SCFD2: variants seen among roughly 807,000 people sequenced by gnomAD.
The protein encoded by SCFD2 is sec1 family domain containing 2, also known as sec1 family domain-containing protein 2.
Under a neutral mutation model 58.9 loss-of-function variants are expected in SCFD2, and 54 were observed. That is an observed-to-expected ratio of 0.92 (90% CI 0.74 to 1.15). SCFD2 has a LOEUF of 1.15. Ranked by LOEUF, SCFD2 falls within the 50% of genes most tolerant of loss-of-function variation. The probability of loss-of-function intolerance (pLI) is 0.00; values close to 1 mark genes in which losing one functional copy is unlikely to be tolerated. For synonymous variants in SCFD2, 321 were observed against 335.9 expected (o/e 0.96, Z 0.49); for missense variants, 805 against 836.6 (o/e 0.96, Z 0.47).
rs1393652438 is a variant in SCFD2, at chr4:53,179,727, C to T, written c.1312-34145G>A. Among the ~76,000 whole-genome samples the T allele has an allele frequency of 5.3e-5, 8 of 152,088 alleles. No individual in the cohort carries two copies. In the East Asian group the frequency reaches 1.4e-3, roughly 26 times the overall value. ...TGGCAAATTGGATCAAGAGTCAAGA[C>T]CCATCAGTGTGCTGTATTCAGGAAC... On this transcript the variant is annotated intron_variant, in intron 4 of 8. Coordinates refer to ENST00000401642, the MANE Select transcript of SCFD2 (RefSeq NM_152540.4).
chr4:53,274,115 T>C (rs768902011), intron 3 of SCFD2, 114 bp from the exon 4 acceptor site: 75 of 840,476 alleles, frequency 8.9e-5, no homozygotes, highest in Non-Finnish European at 1.3e-4. Context: ...CAGAGCTGAC[T>C]GCAAGCTTTC....
At chr4:53,110,487 G>T (rs189206022) in intron 5 of SCFD2, among the ~76,000 whole-genome samples, 3 of 152,048 alleles carry the variant, frequency 2.0e-5, no homozygotes, top group Non-Finnish European at 1.5e-5. Flanking sequence ...TTTGCAATCT[G>T]TCCATCTGAC....
At chr4:53,042,325 ATG>A (rs1409234471) in intron 5 of SCFD2, among the ~76,000 whole-genome samples, 2 of 151,712 alleles carry the variant, frequency 1.3e-5, no homozygotes, top group African/African-American at 4.8e-5. Flanking sequence ...CTTCTAAAAA[ATG>A]TGTGTGTGTG....
intron 5 of SCFD2, among the ~76,000 whole-genome samples, chr4:52,988,004 T>A (rs1163464735): frequency 6.6e-6 from 1 of 152,168 alleles, no homozygotes; most frequent in Admixed American, 6.5e-5. Flanking sequence ...TCAGAGAGTG[T>A]GACACCAGCT....
At chr4:52,939,572 T>A (rs1266584539) in intron 5 of SCFD2, among the ~76,000 whole-genome samples, 1 of 152,138 alleles carries the variant, frequency 6.6e-6, no homozygotes, top group Admixed American at 6.5e-5. Flanking sequence ...GTGCTACGAA[T>A]CTCAGAGTGA....
chr4:53,203,203 C>T (rs1014045837), intron 4 of SCFD2, among the ~76,000 whole-genome samples: 4 of 152,122 alleles, frequency 2.6e-5, no homozygotes, highest in Admixed American at 2.0e-4. Flanking sequence ...TACATCCCAT[C>T]AATACCTAAT....
At chr4:53,332,747 G>A (rs1329252808) in intron 2 of SCFD2, among the ~76,000 whole-genome samples, 1 of 151,762 alleles carries the variant, frequency 6.6e-6, no homozygotes, top group Non-Finnish European at 1.5e-5. Context: ...GTTCTGGCCA[G>A]GGCAATTAGG....
At chr4:53,037,010 T>C (rs1347149824) in intron 5 of SCFD2, among the ~76,000 whole-genome samples, 1 of 152,176 alleles carries the variant, frequency 6.6e-6, no homozygotes, top group Admixed American at 6.5e-5. Context: ...TGGGCAGTTC[T>C]GTATCCGAAT....
chr4:53,301,713 G>T (rs1364359414), intron 3 of SCFD2, among the ~76,000 whole-genome samples: 1 of 152,116 alleles, frequency 6.6e-6, no homozygotes, highest in Admixed American at 6.6e-5. Context: ...TAAAATACTG[G>T]TAAACTGAAT....
At chr4:53,358,766 T>C (rs1043235255) in intron 1 of SCFD2, among the ~76,000 whole-genome samples, 3 of 152,164 alleles carry the variant, frequency 2.0e-5, no homozygotes, top group Non-Finnish European at 4.4e-5. Context: ...GTCTCTTTTT[T>C]AATTGTCCCT....
rs538848289 is a variant in SCFD2 at position 52,904,216 on chromosome 4, G to A, written c.1842+3241C>T. On this transcript the variant is annotated intron_variant, in intron 7 of 8. Coordinates refer to ENST00000401642, the MANE Select transcript of SCFD2 (RefSeq NM_152540.4). ...AGGAACAGGACAGAGATGGATGAGC[G>A]GCTCAGCTAGAGCCTTTCAAGTTCT... Among the ~76,000 whole-genome samples the A allele has an allele frequency of 1.1e-4, 17 of 152,284 alleles. No individual in the cohort carries two copies. In the South Asian group the frequency reaches 2.9e-3, roughly 26 times the overall value.
intron 4 of SCFD2, among the ~76,000 whole-genome samples, chr4:53,200,220 CCTT>C (rs1190636696): frequency 2.6e-5 from 4 of 151,990 alleles, no homozygotes; most frequent in African/African-American, 9.7e-5. Context: ...ATGTAATAAT[CCTT>C]CTTCCTAGGA....
At chr4:52,902,908 A>G (rs984819365) in intron 7 of SCFD2, among the ~76,000 whole-genome samples, 5 of 152,238 alleles carry the variant, frequency 3.3e-5, no homozygotes, top group Non-Finnish European at 7.3e-5. Flanking sequence ...AGTGATTGCT[A>G]TTAGCATAGC....
rs192915231 is a variant in SCFD2 at position 52,921,710 on chromosome 4, G to A, written c.1562-840C>T. On this transcript the variant is annotated intron_variant, in intron 5 of 8. Coordinates refer to ENST00000401642, the MANE Select transcript of SCFD2 (RefSeq NM_152540.4). ...TGCCCATACCCACTCGGTCACCCTG[G>A]GTGTCCCCTGCGAGAGTGGTAAAGT... 2.1e-3 allele frequency among the ~76,000 whole-genome samples: 323 copies of A among 152,136 alleles called. 1 individual carries two copies. The highest frequency in any genetic ancestry group is 0.01 in the Middle Eastern group (3 of 294).
intron 4 of SCFD2, among the ~76,000 whole-genome samples, chr4:53,167,559 T>C (rs1222647174): frequency 2.0e-5 from 3 of 152,206 alleles, no homozygotes; most frequent in African/African-American, 4.8e-5. Context: ...CATTTTAAGA[T>C]ATCTAGCTCC....
At chr4:53,350,956 A>T (rs748656534) in intron 2 of SCFD2, among the ~76,000 whole-genome samples, 6 of 152,108 alleles carry the variant, frequency 3.9e-5, no homozygotes, top group Non-Finnish European at 7.4e-5. Context: ...GTGATCCACC[A>T]GCCTCAGCCT....
intron 4 of SCFD2, among the ~76,000 whole-genome samples, chr4:53,244,324 C>A (rs1464866317): frequency 2.0e-5 from 3 of 152,028 alleles, no homozygotes; most frequent in African/African-American, 7.2e-5. Context: ...CTAAAACTGA[C>A]CATACAATCA....
chr4:53,101,193 A>G (rs1724823777), intron 5 of SCFD2, among the ~76,000 whole-genome samples: 1 of 152,178 alleles, frequency 6.6e-6, no homozygotes, highest in African/African-American at 2.4e-5. Flanking sequence ...CAGTGGCTTT[A>G]TGGATCTGCA....
chr4:53,201,392 T>C (rs1728232922), intron 4 of SCFD2, among the ~76,000 whole-genome samples: 1 of 152,190 alleles, frequency 6.6e-6, no homozygotes, highest in Non-Finnish European at 1.5e-5. Context: ...CCATGGTGTA[T>C]ATGTGCCACA....
Sources: allele counts gnomAD v4.1 joint callset (sites outside exome capture counted in the v4.1 genomes callset), GRCh38; gene constraint gnomAD v4.1.1; transcripts MANE v1.5; gene names NCBI Gene and HGNC (gene_info 2026-07-23, HGNC 2026-07-21).